The following ADAM9 variants were observed in gnomAD, a reference collection of about 807,000 sequenced individuals.
ADAM9 encodes the protein disintegrin and metalloproteinase domain-containing protein 9.
Under a neutral mutation model 108.1 loss-of-function variants are expected in ADAM9, and 54 were observed. That is an observed-to-expected ratio of 0.50 (90% confidence interval 0.40 to 0.63). The LOEUF (loss-of-function observed/expected upper bound fraction) is 0.63. ADAM9 is among the 20% of genes least tolerant of loss of function. ADAM9 has a pLI of 0.00. For synonymous variants in ADAM9, 316 were observed against 336.0 expected, an observed-to-expected ratio of 0.94 and a Z score of 0.65; for missense variants, 830 against 997.7, an observed-to-expected ratio of 0.83 and a Z score of 2.26.
chr8:39,008,583 C>T (rs1836242206), intron 2 of ADAM9, among the ~76,000 whole-genome samples: 1 of 152,130 alleles, frequency 6.6e-6, no homozygotes, highest in Non-Finnish European at 1.5e-5. Context: ...TACATTTTAA[C>T]TGACAGGCAA....
chr8:39,071,396 G>C lies in ADAM9; in HGVS notation c.1690G>C (p.Ala564Pro), dbSNP rs1263321257. 2 of 1,612,660 alleles carry C rather than the reference G, an allele frequency of 1.2e-6. No individual in the cohort carries two copies. The highest frequency in any genetic ancestry group is 3.3e-5 in the Admixed American group (2 of 59,972). ...GFSGNEYKKCATGNALCGKLQ... is the reference protein window; with the variant it reads ...GFSGNEYKKCPTGNALCGKLQ... ...CTCTGGCAATGAATACAAGAAGTGT[G>C]CCACTGGGTAAGTGGAGGTGCGGTC... The change falls in exon 15 of 22, where the codon GCC (alanine) becomes CCC (proline). Residue 564 changes from alanine (A) to proline (P), a missense_variant. Physicochemically the swap from Ala to Pro is conservative, Grantham distance 27. This residue lies in a region of ADAM9 where 381 missense variants were observed against 539.8 expected (regional missense o/e 0.71). Transcript: ENST00000487273.
chr8:39,002,556 C>T (rs1382750190), intron 1 of ADAM9, among the ~76,000 whole-genome samples: 7 of 151,300 alleles, frequency 4.6e-5, no homozygotes, highest in Admixed American at 6.6e-5. Context: ...TTCCTGACCT[C>T]GTGATCCGCC....
intron 12 of ADAM9, among the ~76,000 whole-genome samples, chr8:39,052,558 C>T (rs1030439879): frequency 6.6e-6 from 1 of 151,966 alleles, no homozygotes; most frequent in Non-Finnish European, 1.5e-5. Flanking sequence ...CATAGCCCCT[C>T]TACAAATTAT....
At chr8:38,998,590 C>T (rs1016614037) in intron 1 of ADAM9, among the ~76,000 whole-genome samples, 2 of 152,124 alleles carry the variant, frequency 1.3e-5, no homozygotes, top group South Asian at 2.1e-4. Flanking sequence ...CCTATAAACA[C>T]CACACAGTTG....
At chr8:39,001,784 C>T (rs1451496051) in intron 1 of ADAM9, among the ~76,000 whole-genome samples, 2 of 151,918 alleles carry the variant, frequency 1.3e-5, no homozygotes, top group Admixed American at 6.5e-5. Context: ...CCTTCTGCCT[C>T]AGCCTCCTGA....
intron 2 of ADAM9, among the ~76,000 whole-genome samples, chr8:39,011,018 G>A (rs1278074532): frequency 1.5e-4 from 23 of 151,784 alleles, no homozygotes; most frequent in East Asian, 9.7e-4. Flanking sequence ...TCCTGAACCC[G>A]GGAGGCAGAG....
chr8:39,084,930 T>G (rs1372663805), intron 18 of ADAM9, among the ~76,000 whole-genome samples: 2 of 152,112 alleles, frequency 1.3e-5, no homozygotes, highest in Non-Finnish European at 2.9e-5. Flanking sequence ...ATTGACTCTT[T>G]ATCCTTATGA....
At chr8:39,019,008 G>A in intron 7 of ADAM9, 90 bp downstream of exon 7, 1 of 1,241,514 alleles carries the variant, frequency 8.1e-7, no homozygotes. Flanking sequence ...CACATTGTTT[G>A]TATTGATTTT....
At chr8:39,064,601 T>C (rs573374652) in intron 14 of ADAM9, among the ~76,000 whole-genome samples, 19 of 152,308 alleles carry the variant, frequency 1.2e-4, no homozygotes, top group Admixed American at 2.6e-4. Context: ...TCAGTATTTA[T>C]CCTGAGATCT....
At chr8:39,073,218 T>TAC (rs754752164) in intron 15 of ADAM9, among the ~76,000 whole-genome samples, 2 of 152,244 alleles carry the variant, frequency 1.3e-5, no homozygotes, top group Non-Finnish European at 2.9e-5. Flanking sequence ...ATCTATGGTG[T>TAC]ACGTGTGTTA....
intron 6 of ADAM9, 34 bp downstream of exon 6, chr8:39,017,448 C>G: frequency 6.3e-7 from 1 of 1,591,844 alleles, no homozygotes; most frequent in Non-Finnish European, 8.6e-7. Context: ...ATGGCTCAGA[C>G]TACCATTTTA....
chr8:39,063,925 A>G (rs1838375864), intron 14 of ADAM9, among the ~76,000 whole-genome samples: 1 of 152,136 alleles, frequency 6.6e-6, no homozygotes, highest in South Asian at 2.1e-4. Context: ...TTGATTTTCA[A>G]CAATCTCAGC....
intron 2 of ADAM9, 137 bp from the exon 3 acceptor site, chr8:39,011,521 G>C: frequency 1.4e-6 from 1 of 725,900 alleles, no homozygotes; most frequent in Admixed American, 2.5e-5. Flanking sequence ...TAGACACAAA[G>C]TTCTTCTATT....
intron 14 of ADAM9, among the ~76,000 whole-genome samples, chr8:39,060,591 A>T (rs1173931783): frequency 6.6e-6 from 1 of 152,228 alleles, no homozygotes; most frequent in African/African-American, 2.4e-5. Context: ...ACCACTGGAC[A>T]TGTAGAAATT....
chr8:39,065,675 A>C (rs1838443761), intron 14 of ADAM9, among the ~76,000 whole-genome samples: 1 of 151,734 alleles, frequency 6.6e-6, no homozygotes, highest in Non-Finnish European at 1.5e-5. Flanking sequence ...AAAAAAAAAA[A>C]AAAAAAAGGA....
chr8:39,025,992 T>TA, intron 10 of ADAM9, 108 bp downstream of exon 10: 1 of 1,152,802 alleles, frequency 8.7e-7, no homozygotes, highest in South Asian at 1.2e-5. Context: ...TTTTGGGTGT[T>TA]ATGAGGAACA....
At chr8:39,048,388 G>C (rs372025149) in intron 12 of ADAM9, among the ~76,000 whole-genome samples, 19 of 151,866 alleles carry the variant, frequency 1.3e-4, no homozygotes, top group African/African-American at 4.1e-4. Context: ...TGCTTTTATT[G>C]TTGTCTTTTT....
chr8:39,032,196 C>T (rs550851897), intron 11 of ADAM9, among the ~76,000 whole-genome samples: 40 of 152,386 alleles, frequency 2.6e-4, no homozygotes, highest in African/African-American at 8.9e-4. Flanking sequence ...AACCACTGCT[C>T]TCTTCAGAGC....
intron 14 of ADAM9, among the ~76,000 whole-genome samples, chr8:39,059,088 A>G (rs1486299284): frequency 6.6e-6 from 1 of 152,136 alleles, no homozygotes; most frequent in Non-Finnish European, 1.5e-5. Context: ...TTCCATGTGC[A>G]TGGGCCCATT....
Sources: allele counts gnomAD v4.1 joint callset (sites outside exome capture counted in the v4.1 genomes callset), GRCh38; gene constraint gnomAD v4.1.1; regional missense constraint gnomAD v4.1.1; transcripts MANE v1.5; gene names NCBI Gene and HGNC (gene_info 2026-07-23, HGNC 2026-07-21).